CHD6: variants seen among roughly 807,000 people sequenced by gnomAD.
CHD6 encodes ATP-dependent chromatin remodeler CHD6.
CHD6 carries 50 observed loss-of-function variants against 276.9 expected under a neutral mutation model. The observed-to-expected ratio is 0.18, with a 90% CI of 0.14 to 0.23. CHD6 has a LOEUF of 0.23. Ranked by LOEUF, CHD6 falls within the 10% of genes least tolerant of loss-of-function variation. The pLI, the probability that CHD6 is intolerant of heterozygous loss-of-function variation, is 1.00. For synonymous variants in CHD6, 1,173 were observed against 1,229.3 expected, an observed-to-expected ratio of 0.95 and a Z score of 0.96; for missense variants, 2,564 against 3,365.8, an observed-to-expected ratio of 0.76 and a Z score of 5.89.
At chr20:41,563,604 T>C (rs2045325260) in intron 1 of CHD6, among the ~76,000 whole-genome samples, 1 of 152,202 alleles carries the variant, frequency 6.6e-6, no homozygotes, top group South Asian at 2.1e-4. Context: ...AAAAAAATCA[T>C]TTCTAAATCC....
chr20:41,590,410 C>T (rs1401382896), intron 1 of CHD6, among the ~76,000 whole-genome samples: 1 of 152,116 alleles, frequency 6.6e-6, no homozygotes, highest in African/African-American at 2.4e-5. Flanking sequence ...AAGAAACTAC[C>T]ATCAGAGTGA....
intron 1 of CHD6, among the ~76,000 whole-genome samples, chr20:41,596,666 T>C (rs1367566667): frequency 6.6e-6 from 1 of 151,340 alleles, no homozygotes; most frequent in African/African-American, 2.4e-5. Context: ...ACCCAAAGTA[T>C]TTCCCGAGCA....
intron 5 of CHD6, among the ~76,000 whole-genome samples, chr20:41,501,052 A>G (rs2043818872): frequency 6.6e-6 from 1 of 152,182 alleles, no homozygotes; most frequent in Admixed American, 6.5e-5. Context: ...CCAACTAACT[A>G]AAGTCTGACT....
chr20:41,451,146 G>A lies in CHD6; in HGVS notation c.3524-41C>T, dbSNP rs747256037. ...AGCATAGGGCAAGTGGATAGCCAAGGGGGGTGTTACACACGGGTTTTAGAA... is the reference window on the plus strand; with the variant it reads ...AGCATAGGGCAAGTGGATAGCCAAGAGGGGTGTTACACACGGGTTTTAGAA... On this transcript the variant is annotated intron_variant, in intron 22 of 36. Coordinates refer to ENST00000373233, the MANE Select transcript of CHD6 (RefSeq NM_032221.5). The A allele has an allele frequency of 5.0e-6, 8 of 1,586,162 alleles. No individual in the cohort carries two copies. In the East Asian group the frequency reaches 1.1e-4, roughly 22 times the overall value.
intron 19 of CHD6, among the ~76,000 whole-genome samples, chr20:41,455,516 A>G (rs1461419483): frequency 6.6e-6 from 1 of 152,222 alleles, no homozygotes; most frequent in African/African-American, 2.4e-5. Context: ...GTTTCAGAGC[A>G]GTCCTTGCAA....
chr20:41,484,660 A>G (rs2043369882), intron 14 of CHD6, 53 bp from the exon 15 acceptor site: 1 of 1,586,380 alleles, frequency 6.3e-7, no homozygotes, highest in African/African-American at 1.3e-5. Context: ...GTTAACGATT[A>G]CTGGGGTATT....
At chr20:41,600,390 C>A (rs913443607) in intron 1 of CHD6, among the ~76,000 whole-genome samples, 1 of 152,146 alleles carries the variant, frequency 6.6e-6, no homozygotes, top group African/African-American at 2.4e-5. Context: ...CAAAACTAAT[C>A]TTTGTGACAG....
Position 41,565,159 on chromosome 20 carries a change from C to T in CHD6, c.-23-13799G>A, listed in dbSNP as rs546137013. ...TCACCCAGGCTGGAGTGCAGTGGCG[C>T]GATCTCAGCTCACTGCAACCTCTGC... On this transcript the variant is annotated intron_variant, in intron 1 of 36. Coordinates refer to ENST00000373233, the MANE Select transcript of CHD6 (RefSeq NM_032221.5). Among the ~76,000 whole-genome samples, 177 of 151,226 alleles carry T rather than the reference C, an allele frequency of 1.2e-3. 1 individual carries two copies. The highest frequency in any genetic ancestry group is 3.6e-3 in the African/African-American group (150 of 41,178).
chr20:41,578,059 G>A (rs775250708), intron 1 of CHD6, among the ~76,000 whole-genome samples: 7 of 152,202 alleles, frequency 4.6e-5, no homozygotes, highest in Non-Finnish European at 8.8e-5. Flanking sequence ...TAACAGCAGT[G>A]AGAATAAATG....
At chr20:41,462,699 C>G (rs545418246) in intron 17 of CHD6, among the ~76,000 whole-genome samples, 16 of 152,244 alleles carry the variant, frequency 1.1e-4, no homozygotes, top group Middle Eastern at 3.4e-3. Context: ...TACACACATA[C>G]ATATACATAA....
Position 41,405,121 on chromosome 20 carries a change from T to C in CHD6, c.7620A>G (p.Pro2540=), listed in dbSNP as rs755102048. The change falls in exon 37 of 37, where the codon CCA becomes CCG. Residue 2540 remains proline (P), a synonymous_variant. Transcript: ENST00000373233. ...TGGAAGTGCAGGTGGTTGCCATGGG[T>C]GGACTGAGGAGTCCCCCAACACCAA... The part of the protein sequence containing the change: ...QMFGVGGLLS[P]PMATTCTSTA... 6.5e-5 allele frequency: 105 copies of C among 1,614,058 alleles called. No individual in the cohort carries two copies. Among genetic ancestry groups the C allele is most frequent in the Non-Finnish European group, 8.4e-5 (99 of 1,180,030 alleles).
intron 1 of CHD6, among the ~76,000 whole-genome samples, chr20:41,568,262 C>A (rs898150677): frequency 6.6e-6 from 1 of 152,164 alleles, no homozygotes; most frequent in African/African-American, 2.4e-5. Context: ...GTACATAATT[C>A]TGTTTAAATT....
chr20:41,447,600 T>C lies in CHD6; in HGVS notation c.3773+282A>G, dbSNP rs546424262. The stretch of plus-strand genomic sequence containing the variant: ...CGACACTCGTTCTACAGTAAATGAC[T>C]GTTTTAAAAGAAAATTTATAACACT... On this transcript the variant is annotated intron_variant, in intron 24 of 36. Transcript: ENST00000373233. Among the ~76,000 whole-genome samples the C allele has an allele frequency of 2.0e-5, 3 of 152,374 alleles. No individual in the cohort carries two copies. In the South Asian group the frequency reaches 6.2e-4, roughly 32 times the overall value.
At chr20:41,554,199 A>T (rs912353732) in intron 1 of CHD6, among the ~76,000 whole-genome samples, 2 of 152,166 alleles carry the variant, frequency 1.3e-5, no homozygotes, top group Non-Finnish European at 2.9e-5. Flanking sequence ...TTAATAAAAA[A>T]TTACTTTTGT....
rs1437153345 is a variant in CHD6, at chr20:41,404,551, A to G, written c.*42T>C. The G allele has an allele frequency of 6.1e-6, 9 of 1,468,676 alleles. No homozygotes were observed. The highest frequency in any genetic ancestry group is 4.8e-5 in the Admixed American group (2 of 41,836). 91.0% of individuals were successfully genotyped at this position (1,468,676 alleles called of 1,614,324 possible). On this transcript the variant is annotated 3_prime_UTR_variant, in exon 37 of 37. Coordinates refer to ENST00000373233, the MANE Select transcript of CHD6 (RefSeq NM_032221.5). ...GGAAGTAACAAACCTTTATGGGATAAGAAACTTACAAGTCACAATAATTTC... is the reference window on the plus strand; with the variant it reads ...GGAAGTAACAAACCTTTATGGGATAGGAAACTTACAAGTCACAATAATTTC...
At chr20:41,604,745 C>G (rs558102780) in intron 1 of CHD6, among the ~76,000 whole-genome samples, 1 of 152,110 alleles carries the variant, frequency 6.6e-6, no homozygotes, top group South Asian at 2.1e-4. Flanking sequence ...GCGGGGAGCA[C>G]AGAAAGAGGT....
chr20:41,510,417 C>A (rs6029713), intron 5 of CHD6, among the ~76,000 whole-genome samples: 28 of 152,346 alleles, frequency 1.8e-4, no homozygotes, highest in Admixed American at 1.2e-3. Context: ...GTTGTGTAGC[C>A]TGCCCTGCAT....
chr20:41,445,822 C>A, intron 24 of CHD6, 54 bp from the exon 25 acceptor site: 1 of 1,129,924 alleles, frequency 8.9e-7, no homozygotes, highest in Non-Finnish European at 1.3e-6. Flanking sequence ...TGGTCCAACC[C>A]TGGTATTAGG....
intron 1 of CHD6, among the ~76,000 whole-genome samples, chr20:41,566,639 T>C (rs1231723689): frequency 6.6e-6 from 1 of 152,122 alleles, no homozygotes; most frequent in Non-Finnish European, 1.5e-5. Flanking sequence ...CTCATGCAAG[T>C]CAATCACATC....
Sources: allele counts gnomAD v4.1 joint callset (sites outside exome capture counted in the v4.1 genomes callset), GRCh38; gene constraint gnomAD v4.1.1; transcripts MANE v1.5; gene names NCBI Gene and HGNC (gene_info 2026-07-23, HGNC 2026-07-21).